ENTPD5: variants seen among roughly 807,000 people sequenced by gnomAD.
ENTPD5 encodes ectonucleoside triphosphate diphosphohydrolase 5 (inactive).
In ENTPD5, 49 loss-of-function variants were observed where a neutral mutation model predicts 60.2. The observed-to-expected ratio is 0.81, with a 90% CI of 0.65 to 1.03. ENTPD5 has a LOEUF of 1.03. Ranked by LOEUF, ENTPD5 falls within the 50% of genes least tolerant of loss-of-function variation. ENTPD5 has a pLI of 0.00. For missense variants in ENTPD5, 480 were observed against 507.6 expected, an observed-to-expected ratio of 0.95 and a Z score of 0.52; for synonymous variants, 187 against 185.4, an observed-to-expected ratio of 1.01 and a Z score of -0.07.
chr14:73,998,085 T>C (rs989086724), intron 3 of ENTPD5, among the ~76,000 whole-genome samples: 26 of 152,130 alleles, frequency 1.7e-4, no homozygotes, highest in African/African-American at 5.8e-4. Context: ...CAGTATGCCA[T>C]TGGAGGTTAT....
intron 3 of ENTPD5, chr14:74,003,316 G>T (rs1277388803): frequency 2.2e-6 from 1 of 460,296 alleles, no homozygotes; most frequent in Non-Finnish European, 4.1e-6. Context: ...GTCCAAGGTG[G>T]AATTCAATAA....
chr14:73,982,912 G>T, intron 6 of ENTPD5, 106 bp downstream of exon 6: 1 of 1,127,850 alleles, frequency 8.9e-7, no homozygotes. Flanking sequence ...CTTTGGCAGT[G>T]GTGGAATACT....
intron 2 of ENTPD5, among the ~76,000 whole-genome samples, chr14:74,013,383 C>A (rs1308945171): frequency 6.6e-6 from 1 of 152,142 alleles, no homozygotes; most frequent in Non-Finnish European, 1.5e-5. Flanking sequence ...GGGTTTGGGC[C>A]AAGCTTAGTC....
At chr14:73,993,262 C>T (rs1028837118) in intron 3 of ENTPD5, among the ~76,000 whole-genome samples, 1 of 152,012 alleles carries the variant, frequency 6.6e-6, no homozygotes, top group Non-Finnish European at 1.5e-5. Flanking sequence ...CTCTGGATCC[C>T]GGGAAGTTGA....
intron 3 of ENTPD5, chr14:74,008,940 AAACAGGTC>A (rs1178238406): frequency 1.3e-5 from 2 of 152,240 alleles, no homozygotes; most frequent in African/African-American, 4.8e-5. Flanking sequence ...TCTTTCCTGT[AAACAGGTC>A]ATTTTTTATG....
chr14:73,982,762 T>C (rs1378173701), intron 6 of ENTPD5, among the ~76,000 whole-genome samples: 2 of 151,624 alleles, frequency 1.3e-5, no homozygotes, highest in African/African-American at 2.4e-5. Context: ...TCTCAAAAAA[T>C]AAAAATAAAA....
At chr14:73,988,850 C>T (rs1250368114) in intron 3 of ENTPD5, among the ~76,000 whole-genome samples, 2 of 151,838 alleles carry the variant, frequency 1.3e-5, no homozygotes, top group Non-Finnish European at 2.9e-5. Flanking sequence ...TTGAGACGGA[C>T]TCTCACTCTG....
chr14:73,983,240 G>T, intron 5 of ENTPD5, 79 bp from the exon 6 acceptor site: 1 of 1,431,324 alleles, frequency 7.0e-7, no homozygotes, highest in African/African-American at 1.4e-5. Context: ...AACATACTTT[G>T]TGGGAGCAAG....
chr14:74,002,327 C>T (rs1156299936), intron 3 of ENTPD5, among the ~76,000 whole-genome samples: 2 of 151,960 alleles, frequency 1.3e-5, no homozygotes, highest in African/African-American at 2.4e-5. Flanking sequence ...AGTGGGGAGG[C>T]GAGTGTAGAG....
intron 9 of ENTPD5, 133 bp downstream of exon 9, chr14:73,976,191 C>A: frequency 1.2e-6 from 1 of 849,276 alleles, no homozygotes; most frequent in Non-Finnish European, 1.9e-6. Flanking sequence ...AGGGAACATT[C>A]ACCTAGTTAT....
intron 15 of ENTPD5, among the ~76,000 whole-genome samples, chr14:73,968,846 C>T (rs2057099836): frequency 6.6e-6 from 1 of 152,204 alleles, no homozygotes; most frequent in Admixed American, 6.5e-5. Flanking sequence ...ACACTGTGCC[C>T]AAAACTGGGG....
chr14:73,987,924 G>A lies in ENTPD5; in HGVS notation c.179C>T (p.Thr60Ile), dbSNP rs1713181317. The A allele has an allele frequency of 2.5e-6, 4 of 1,614,172 alleles. No individual in the cohort carries two copies. The highest frequency in any genetic ancestry group is 3.4e-6 in the Non-Finnish European group (4 of 1,180,018). Residue 60 changes from threonine to isoleucine, a missense_variant, in exon 4 of 16, where the codon ACT becomes ATT. By Grantham distance (89) the Thr-to-Ile change is moderately conservative. Coordinates refer to ENST00000334696, the MANE Select transcript of ENTPD5 (RefSeq NM_001249.5). ...CACAAAGGTGTAAACATGAATTCGA[G>A]TTCCAGTGCTCCCTGCATCAAACAT... Reference protein sequence around the residue: ...GIMFDAGSTGTRIHVYTFVQK... With the variant: ...GIMFDAGSTGIRIHVYTFVQK...
intron 15 of ENTPD5, among the ~76,000 whole-genome samples, chr14:73,968,041 T>A (rs1447058466): frequency 6.6e-6 from 1 of 151,890 alleles, no homozygotes; most frequent in East Asian, 1.9e-4. Flanking sequence ...GGAGAATCAG[T>A]TGAACCCGGG....
intron 15 of ENTPD5, among the ~76,000 whole-genome samples, chr14:73,968,151 T>C (rs1040898580): frequency 6.6e-6 from 1 of 151,970 alleles, no homozygotes; most frequent in Non-Finnish European, 1.5e-5. Context: ...AAAAAAATAA[T>C]CAAACAGGGA....
chr14:73,970,353 G>A (rs977699342), intron 14 of ENTPD5, among the ~76,000 whole-genome samples: 9 of 152,188 alleles, frequency 5.9e-5, no homozygotes, highest in African/African-American at 7.2e-5. Flanking sequence ...TTAGCAGGGC[G>A]TGGTGGTGTA....
Position 73,971,350 on chromosome 14 carries a change from G to C in ENTPD5, c.1084+502C>G, listed in dbSNP as rs2057217003. Among the ~76,000 whole-genome samples the C allele has an allele frequency of 2.6e-5, 4 of 152,142 alleles. No individual in the cohort carries two copies. In the South Asian group the frequency reaches 8.3e-4, roughly 32 times the overall value. Reference sequence around the variant, plus strand: ...TTTTTGTATTTTTAGTAGAGATGGGGTTTCACCATGTTGGCCAGGCTGTCT... The same window carrying C: ...TTTTTGTATTTTTAGTAGAGATGGGCTTTCACCATGTTGGCCAGGCTGTCT... On this transcript the variant is annotated intron_variant, in intron 14 of 15. Transcript: ENST00000334696.
intron 3 of ENTPD5, chr14:73,996,081 G>A: frequency 2.2e-6 from 2 of 923,172 alleles, no homozygotes; most frequent in Non-Finnish European, 2.6e-6. Flanking sequence ...CAATCCCAGA[G>A]GACCTGGGCC....
At chr14:74,017,044 C>T (rs1170011849) in intron 1 of ENTPD5, among the ~76,000 whole-genome samples, 1 of 152,154 alleles carries the variant, frequency 6.6e-6, no homozygotes, top group Non-Finnish European at 1.5e-5. Flanking sequence ...ATCGGCCAGG[C>T]GTGGTGGCTC....
downstream of ENTPD5, chr14:73,961,793 C>G: frequency 1.2e-6 from 2 of 1,614,180 alleles, no homozygotes; most frequent in Non-Finnish European, 1.7e-6. Context: ...CAACACTGCT[C>G]TTCTGGCTGC....
Sources: allele counts gnomAD v4.1 joint callset (sites outside exome capture counted in the v4.1 genomes callset), GRCh38; gene constraint gnomAD v4.1.1; transcripts MANE v1.5; gene names NCBI Gene and HGNC (gene_info 2026-07-23, HGNC 2026-07-21).